ANKRD31: variants seen among roughly 807,000 people sequenced by gnomAD.
ANKRD31 encodes ankyrin repeat domain 31.
A neutral mutation model predicts 186.0 loss-of-function variants in ANKRD31; 147 were observed. The observed-to-expected ratio is 0.79, with a 90% CI of 0.69 to 0.91. The LOEUF is 0.91. ANKRD31 is among the 40% of genes least tolerant of loss of function. The probability of loss-of-function intolerance (pLI) is 0.00; values close to 1 mark genes in which losing one functional copy is unlikely to be tolerated. For missense variants in ANKRD31, 1,986 were observed against 2,148.8 expected, an observed-to-expected ratio of 0.92 and a Z score of 1.50; for synonymous variants, 673 against 736.4, an observed-to-expected ratio of 0.91 and a Z score of 1.39.
At chr5:75,172,362 A>AT (rs1025822851) in intron 10 of ANKRD31, among the ~76,000 whole-genome samples, 5 of 114,512 alleles carry the variant, frequency 4.4e-5, no homozygotes, top group East Asian at 2.5e-4. Context: ...CATAAACTCT[A>AT]TTTAAAAAAA....
At chr5:75,210,620 G>C (rs1271981517) in intron 4 of ANKRD31, among the ~76,000 whole-genome samples, 1 of 152,038 alleles carries the variant, frequency 6.6e-6, no homozygotes, top group African/African-American at 2.4e-5. Context: ...TAAAATAATA[G>C]AGAACCAAGT....
At chr5:75,170,494 CAT>C (rs1753234215) in intron 10 of ANKRD31, among the ~76,000 whole-genome samples, 2 of 152,168 alleles carry the variant, frequency 1.3e-5, no homozygotes, top group East Asian at 1.9e-4. Flanking sequence ...TTACAAGAAA[CAT>C]AGTTTATTTT....
intron 19 of ANKRD31, among the ~76,000 whole-genome samples, chr5:75,115,977 T>A (rs370393693): frequency 6.6e-6 from 1 of 151,896 alleles, no homozygotes; most frequent in Non-Finnish European, 1.5e-5. Context: ...TGTTGCGGCA[T>A]TATTCACAAT....
At chr5:75,101,489 A>T (rs1746875029) in intron 22 of ANKRD31, among the ~76,000 whole-genome samples, 1 of 151,966 alleles carries the variant, frequency 6.6e-6, no homozygotes, top group South Asian at 2.1e-4. Flanking sequence ...TAGGTTGGGG[A>T]AGTTCTCCTG....
At chr5:75,068,862 G>C (rs1363625034) in intron 25 of ANKRD31, among the ~76,000 whole-genome samples, 198 bp from the exon 26 acceptor site, 4 of 152,148 alleles carry the variant, frequency 2.6e-5, no homozygotes, top group Admixed American at 1.3e-4. Context: ...TCTTGGGAAA[G>C]AGGGGCCTGT....
Position 75,116,214 on chromosome 5 carries a change from A to T in ANKRD31, c.4155+352T>A, listed in dbSNP as rs868294297. ...CATAGGTGGGAATTGAACAATGAGA[A>T]CACATGGACACAGGAAGGGGAACAT... On this transcript the variant is annotated intron_variant, in intron 19 of 25. Coordinates refer to ENST00000506364, the MANE Select transcript of ANKRD31 (RefSeq NM_001372053.1). Among the ~76,000 whole-genome samples the T allele has an allele frequency of 8.0e-3, 1,096 of 136,802 alleles. 15 individuals carry two copies. The highest frequency in any genetic ancestry group is 0.027 in the African/African-American group (988 of 36,788). 89.7% of individuals were successfully genotyped at this position (136,802 alleles called of 152,430 possible). A position where few individuals can be genotyped will look rare whatever the true frequency, so the allele number is the denominator to read the frequency against.
chr5:75,075,625 C>T (rs1744575724), intron 25 of ANKRD31, among the ~76,000 whole-genome samples: 2 of 152,062 alleles, frequency 1.3e-5, no homozygotes, highest in African/African-American at 4.8e-5. Context: ...ATTTCACCAC[C>T]AATCCAACCA....
Position 75,210,784 on chromosome 5 carries a change from A to G in ANKRD31, c.326+44T>C. ...ATTCATCTTAGATGTGCAAAATGACAAAAATACCTACAACATAATGAAGCC... is the reference window on the plus strand; with the variant it reads ...ATTCATCTTAGATGTGCAAAATGACGAAAATACCTACAACATAATGAAGCC... On this transcript the variant is annotated intron_variant, in intron 4 of 25. Coordinates refer to ENST00000506364, the MANE Select transcript of ANKRD31 (RefSeq NM_001372053.1). 2.2e-6 allele frequency: 3 copies of G among 1,379,302 alleles called. No individual in the cohort carries two copies. In the South Asian group the frequency reaches 4.4e-5, roughly 20 times the overall value. 85.4% of individuals were successfully genotyped at this position (1,379,302 alleles called of 1,614,324 possible).
chr5:75,076,137 G>A (rs759504590), intron 25 of ANKRD31, among the ~76,000 whole-genome samples: 4 of 151,962 alleles, frequency 2.6e-5, no homozygotes, highest in African/African-American at 4.8e-5. Flanking sequence ...CACACTAACC[G>A]CTGGTCCAAC....
In ANKRD31 at chr5:75,116,653, T is replaced by C; in HGVS notation, c.4068A>G (p.Arg1356=). The change falls in exon 19 of 26, where the codon AGA becomes AGG. Residue 1356 remains arginine (R), a synonymous_variant. Coordinates refer to ENST00000506364, the MANE Select transcript of ANKRD31 (RefSeq NM_001372053.1). ...CATCATCACAAAAACACTGTTTATG[T>C]CTTTTAGACCGGACAGCAGGAATTT... ...NEKIPAVRSK[R]HKQCFCDDGK... The C allele has an allele frequency of 6.9e-7, 1 of 1,443,378 alleles. No individual in the cohort carries two copies. The highest frequency in any genetic ancestry group is 9.2e-7 in the Non-Finnish European group (1 of 1,090,806). 89.4% of individuals were successfully genotyped at this position (1,443,378 alleles called of 1,614,324 possible).
intron 1 of ANKRD31, among the ~76,000 whole-genome samples, chr5:75,233,708 G>T (rs1412026279): frequency 6.6e-6 from 1 of 152,076 alleles, no homozygotes; most frequent in Admixed American, 6.6e-5. Context: ...TTGAAGTCAG[G>T]AGTTCGAGAC....
At chr5:75,208,858 T>C (rs1022749018) in intron 4 of ANKRD31, among the ~76,000 whole-genome samples, 1 of 152,236 alleles carries the variant, frequency 6.6e-6, no homozygotes, top group Non-Finnish European at 1.5e-5. Flanking sequence ...CTATGAAGAA[T>C]GGTATATAAA....
At chr5:75,170,990 C>A (rs1753275043) in intron 10 of ANKRD31, among the ~76,000 whole-genome samples, 1 of 151,772 alleles carries the variant, frequency 6.6e-6, no homozygotes. Flanking sequence ...GCAAAAACTG[C>A]CAGAATCAAA....
At chr5:75,229,636 G>A (rs971952691) in intron 2 of ANKRD31, among the ~76,000 whole-genome samples, 1 of 152,018 alleles carries the variant, frequency 6.6e-6, no homozygotes, top group African/African-American at 2.4e-5. Flanking sequence ...GAGGACCAAG[G>A]TGGGCAGATC....
At chr5:75,120,124 A>C (rs1256751216) in intron 17 of ANKRD31, among the ~76,000 whole-genome samples, 5 of 152,160 alleles carry the variant, frequency 3.3e-5, no homozygotes, top group Non-Finnish European at 4.4e-5. Context: ...AGCCAGGAAC[A>C]GTGGTTTATG....
intron 10 of ANKRD31, among the ~76,000 whole-genome samples, chr5:75,173,685 G>A (rs1199291480): frequency 1.3e-5 from 2 of 152,084 alleles, no homozygotes; most frequent in Admixed American, 6.5e-5. Context: ...GGGATGTGAA[G>A]GACCTCTTCA....
intron 23 of ANKRD31, among the ~76,000 whole-genome samples, chr5:75,085,060 C>A (rs1356963518): frequency 1.3e-5 from 2 of 152,100 alleles, no homozygotes; most frequent in East Asian, 3.9e-4. Flanking sequence ...TAACATACCT[C>A]CAGAGGTTAG....
chr5:75,126,240 G>A (rs555375310), intron 17 of ANKRD31, among the ~76,000 whole-genome samples: 5 of 152,132 alleles, frequency 3.3e-5, no homozygotes, highest in African/African-American at 1.2e-4. Context: ...TCAGGAGTTC[G>A]AGACCAGCCT....
chr5:75,160,127 T>C (rs1752475124), intron 11 of ANKRD31, among the ~76,000 whole-genome samples: 1 of 152,014 alleles, frequency 6.6e-6, no homozygotes. Context: ...CCTAAGACCA[T>C]ATAAAGTAAT....
Sources: gnomAD v4.1 joint callset for allele counts (sites outside exome capture counted in the v4.1 genomes callset) on GRCh38, gnomAD v4.1.1 for gene constraint, MANE v1.5 for transcripts, NCBI Gene and HGNC (gene_info 2026-07-23, HGNC 2026-07-21) for gene names.